MMP24: variants seen among roughly 807,000 people sequenced by gnomAD.
MMP24 encodes matrix metalloproteinase-24.
MMP24 carries 25 observed loss-of-function variants against 62.8 expected under a neutral mutation model. The observed-to-expected ratio is 0.40, with a 90% CI of 0.29 to 0.56. The LOEUF is 0.56. Ranked by LOEUF, MMP24 falls within the 20% of genes least tolerant of loss-of-function variation. The pLI is 0.50. For synonymous variants in MMP24, 319 were observed against 350.5 expected, an observed-to-expected ratio of 0.91 and a Z score of 1.00; for missense variants, 634 against 853.6, an observed-to-expected ratio of 0.74 and a Z score of 3.21.
At chr20:35,255,490 T>C (rs1048342490) in intron 4 of MMP24, among the ~76,000 whole-genome samples, 4 of 152,214 alleles carry the variant, frequency 2.6e-5, no homozygotes, top group African/African-American at 9.7e-5. Flanking sequence ...CCTGAAATTA[T>C]TCTGGCATCC....
chr20:35,267,232 C>A lies in MMP24; in HGVS notation c.1007C>A (p.Thr336Lys). The change falls in exon 6 of 9, where the codon ACA becomes AAA. Residue 336 changes from threonine (T) to lysine (K), a missense_variant. This residue lies in a region of MMP24 where 399 missense variants were observed against 530.8 expected (regional missense o/e 0.75). Transcript: ENST00000246186. Reference protein sequence around the residue: ...YGPPAEPLEPTRPLPTLPVRR... With the variant: ...YGPPAEPLEPKRPLPTLPVRR... Reference sequence around the variant, plus strand: ...CCCCCAGCCGAGCCTCTGGAGCCCACAAGGCCACTCCCTACACTCCCCGTC... The same window carrying A: ...CCCCCAGCCGAGCCTCTGGAGCCCAAAAGGCCACTCCCTACACTCCCCGTC... 1 of 1,602,992 alleles carries A rather than the reference C, an allele frequency of 6.2e-7. No individual in the cohort carries two copies. The highest frequency in any genetic ancestry group is 8.5e-7 in the Non-Finnish European group (1 of 1,175,336).
At chr20:35,264,119 G>A in intron 5 of MMP24, 167 bp downstream of exon 5, 2 of 747,968 alleles carry the variant, frequency 2.7e-6, no homozygotes, top group Non-Finnish European at 4.0e-6. Flanking sequence ...CCTGGCCAGA[G>A]GGCAAGGCTT....
At chr20:35,238,025 C>T (rs2060472024) in intron 1 of MMP24, among the ~76,000 whole-genome samples, 1 of 152,208 alleles carries the variant, frequency 6.6e-6, no homozygotes, top group African/African-American at 2.4e-5. Context: ...TTCATGCCTG[C>T]ATACAGTGAT....
At chr20:35,246,741 T>G in intron 1 of MMP24, 99 bp from the exon 2 acceptor site, 1 of 1,386,086 alleles carries the variant, frequency 7.2e-7, no homozygotes, top group Non-Finnish European at 1.0e-6. Context: ...CAGGAGTCAC[T>G]GGGGTCAAAT....
intron 8 of MMP24, among the ~76,000 whole-genome samples, chr20:35,272,761 G>A (rs1029522792): frequency 2.0e-5 from 3 of 152,148 alleles, no homozygotes; most frequent in Admixed American, 6.6e-5. Context: ...GGCTGGGTTC[G>A]TAACCACCAT....
At chr20:35,242,060 G>A (rs2146206947) in intron 1 of MMP24, among the ~76,000 whole-genome samples, 1 of 152,314 alleles carries the variant, frequency 6.6e-6, no homozygotes, top group South Asian at 2.1e-4. Context: ...ATAATGTCTT[G>A]TGGCTCTACG....
chr20:35,274,442 G>T lies in MMP24; in HGVS notation c.1771G>T (p.Val591Leu). 3.1e-6 allele frequency: 5 copies of T among 1,613,996 alleles called. No homozygotes were observed. Among genetic ancestry groups the T allele is most frequent in the Non-Finnish European group, 4.2e-6 (5 of 1,179,876 alleles). Reference protein sequence around the residue: ...RLPQDDVDIMVTINDVPGSVN... With the variant: ...RLPQDDVDIMLTINDVPGSVN... ...GCCCCAGGACGACGTGGACATCATG[G>T]TGACCATCAACGATGTGCCGGGCTC... is the stretch of plus-strand genomic sequence containing the variant. Residue 591 changes from valine (V) to leucine (L), a missense_variant, in exon 9 of 9, where the codon GTG becomes TTG. By Grantham distance (32) the Val-to-Leu change is conservative. Around this residue, in one of 3 missense-constraint regions of MMP24, gnomAD observed 399 missense variants for 530.8 expected, o/e 0.75. Transcript: ENST00000246186. The surrounding 1 kb of genome is among the most constrained non-coding windows in gnomAD (Gnocchi z 5.1).
intron 6 of MMP24, among the ~76,000 whole-genome samples, 194 bp downstream of exon 6, chr20:35,267,613 G>T (rs1025304169): frequency 4.6e-5 from 7 of 152,230 alleles, no homozygotes; most frequent in Non-Finnish European, 8.8e-5. Context: ...AAGAGGGAGG[G>T]GGAAAGATGG....
intron 1 of MMP24, 109 bp from the exon 2 acceptor site, chr20:35,246,731 C>T: frequency 7.7e-7 from 1 of 1,298,614 alleles, no homozygotes; most frequent in South Asian, 1.3e-5. Flanking sequence ...AGCATGAGTC[C>T]AGGAGTCACT....
At chr20:35,243,892 T>C (rs2060500728) in intron 1 of MMP24, among the ~76,000 whole-genome samples, 1 of 152,248 alleles carries the variant, frequency 6.6e-6, no homozygotes, top group Admixed American at 6.5e-5. Context: ...CAAGTATTGA[T>C]ATTCTGTGCC....
At chr20:35,235,493 C>T (rs11907174) in intron 1 of MMP24, among the ~76,000 whole-genome samples, 7,040 of 152,142 alleles carry the variant, frequency 0.046, 547 homozygotes, top group African/African-American at 0.16. Context: ...GTCAGAAGTT[C>T]GAGATCAGCC....
Position 35,263,912 on chromosome 20 carries a change from G to C in MMP24, c.939G>C (p.Lys313Asn), listed in dbSNP as rs1211239685. Residue 313 changes from lysine (K) to asparagine (N), a missense_variant, in exon 5 of 9, where the codon AAG becomes AAC. Physicochemically the swap from Lys to Asn is moderately conservative, Grantham distance 94 (BLOSUM62 0). Coordinates refer to ENST00000246186, the MANE Select transcript of MMP24 (RefSeq NM_006690.4). ...FYQYMETHNF[K>N]LPQDDLQGIQ... is the part of the protein sequence containing the mutation. ...AGTACATGGAGACGCACAACTTCAA[G>C]CTGCCCCAGGACGATCTCCAGGGCA... The C allele has an allele frequency of 6.2e-7, 1 of 1,612,568 alleles. No homozygotes were observed. Among genetic ancestry groups the C allele is most frequent in the Non-Finnish European group, 8.5e-7 (1 of 1,179,270 alleles).
intron 1 of MMP24, among the ~76,000 whole-genome samples, chr20:35,229,797 A>G (rs1371780235): frequency 2.0e-5 from 3 of 151,960 alleles, no homozygotes; most frequent in East Asian, 1.9e-4. Flanking sequence ...TTCTCTGGAC[A>G]TTGTCACATA....
At chr20:35,260,219 T>TC (rs2060595258) in intron 4 of MMP24, among the ~76,000 whole-genome samples, 1 of 152,072 alleles carries the variant, frequency 6.6e-6, no homozygotes, top group South Asian at 2.1e-4. Flanking sequence ...TCCCTCTGTC[T>TC]CCCCCTCAGG....
chr20:35,270,297 C>T (rs992151172), intron 7 of MMP24, among the ~76,000 whole-genome samples: 1 of 152,232 alleles, frequency 6.6e-6, no homozygotes, highest in African/African-American at 2.4e-5. Context: ...TGACAGTTAT[C>T]TTGACTCGGG....
intron 2 of MMP24, among the ~76,000 whole-genome samples, chr20:35,247,680 CGTG>C (rs1344041053): frequency 9.2e-5 from 14 of 152,272 alleles, no homozygotes; most frequent in African/African-American, 3.1e-4. Context: ...AGAAGCCTGA[CGTG>C]ATGATGTGAT....
At chr20:35,261,536 C>A (rs897860762) in intron 4 of MMP24, among the ~76,000 whole-genome samples, 2 of 152,198 alleles carry the variant, frequency 1.3e-5, no homozygotes, top group Non-Finnish European at 2.9e-5. Context: ...AAGCTCGTAA[C>A]CACCGTGCCA....
In MMP24 at chr20:35,274,764, G is replaced by A; in HGVS notation, c.*155G>A. The A allele has an allele frequency of 1.5e-6, 1 of 685,432 alleles. No individual in the cohort carries two copies. The highest frequency in any genetic ancestry group is 2.4e-6 in the Non-Finnish European group (1 of 415,296). 42.5% of individuals were successfully genotyped at this position (685,432 alleles called of 1,614,324 possible). A position where few individuals can be genotyped will look rare whatever the true frequency, so the allele number is the denominator to read the frequency against. ...TGGTGGGTGCATTGGCCTAGGCTGA[G>A]CGTGGGGCAGGGAATTATGGGGGCT... On this transcript the variant is annotated 3_prime_UTR_variant, in exon 9 of 9. Coordinates refer to ENST00000246186, the MANE Select transcript of MMP24 (RefSeq NM_006690.4). This position sits in a 1 kb window ranked among gnomAD's most constrained non-coding sequence, Gnocchi z 5.1.
At chr20:35,259,898 C>T (rs2060593652) in intron 4 of MMP24, among the ~76,000 whole-genome samples, 1 of 152,184 alleles carries the variant, frequency 6.6e-6, no homozygotes, top group African/African-American at 2.4e-5. Context: ...CAGCGCATTA[C>T]ACACCCTGCC....
Sources: gnomAD v4.1 joint callset for allele counts (sites outside exome capture counted in the v4.1 genomes callset) on GRCh38, gnomAD v4.1.1 for gene constraint, gnomAD v4.1.1 regional missense constraint, Gnocchi (gnomAD v3.1) non-coding constraint, MANE v1.5 for transcripts, NCBI Gene and HGNC (gene_info 2026-07-23, HGNC 2026-07-21) for gene names.